Variants in NDC1 observed in about 807,000 individuals in gnomAD.
NDC1 encodes nucleoporin NDC1.
Under a neutral mutation model 89.8 loss-of-function variants are expected in NDC1, and 24 were observed. The observed-to-expected ratio is 0.27, with a 90% CI of 0.19 to 0.38. The LOEUF (loss-of-function observed/expected upper bound fraction) is 0.38, where lower values mean the gene tolerates loss of function less well. Among genes scored for constraint, NDC1 ranks in the 10% least tolerant of loss-of-function variants. The pLI, the probability that NDC1 is intolerant of heterozygous loss-of-function variation, is 1.00. For missense variants in NDC1, 728 were observed against 797.6 expected, an observed-to-expected ratio of 0.91 and a Z score of 1.05; for synonymous variants, 296 against 284.8, an observed-to-expected ratio of 1.04 and a Z score of -0.39.
chr1:53,791,807 C>A (rs1647514861), intron 14 of NDC1, among the ~76,000 whole-genome samples: 1 of 152,144 alleles, frequency 6.6e-6, no homozygotes, highest in Non-Finnish European at 1.5e-5. Context: ...CTCCTCTGAG[C>A]CTCAGGTTTC....
At chr1:53,771,679 A>G (rs187865696) in intron 17 of NDC1, among the ~76,000 whole-genome samples, 1 of 152,370 alleles carries the variant, frequency 6.6e-6, no homozygotes, top group East Asian at 1.9e-4. Flanking sequence ...ATACAAAAAC[A>G]GCAGAGCAAT....
chr1:53,776,611 C>T (rs1647165556), intron 16 of NDC1, among the ~76,000 whole-genome samples: 1 of 152,090 alleles, frequency 6.6e-6, no homozygotes, highest in African/African-American at 2.4e-5. Context: ...TTGGACAGAA[C>T]TGGTCTAGAG....
At position 53,796,887 on chromosome 1, in the gene NDC1, T is replaced by C. The variant is rs764926084; in HGVS notation, c.1468+12A>G. 21 of 1,611,410 alleles carry C rather than the reference T, an allele frequency of 1.3e-5. No individual in the cohort carries two copies. In the Middle Eastern group the frequency reaches 6.6e-4, roughly 51 times the overall value. On this transcript the variant is annotated intron_variant, in intron 12 of 17. Transcript: ENST00000371429. Reference sequence around the variant, plus strand: ...ATGACATTTAAAATCTTAAAAAATATATAATTCTCACCAGAAGCTGATGTC... The same window carrying C: ...ATGACATTTAAAATCTTAAAAAATACATAATTCTCACCAGAAGCTGATGTC...
At chr1:53,828,813 T>C (rs1031408010) in intron 3 of NDC1, among the ~76,000 whole-genome samples, 2 of 151,834 alleles carry the variant, frequency 1.3e-5, no homozygotes, top group Non-Finnish European at 2.9e-5. Context: ...GGTTTCACCA[T>C]GTTGGTCAGG....
At chr1:53,809,428 C>T (rs947146148) in intron 7 of NDC1, among the ~76,000 whole-genome samples, 4 of 152,014 alleles carry the variant, frequency 2.6e-5, no homozygotes, top group South Asian at 2.1e-4. Context: ...TATAGCTCAC[C>T]GCATCCTTGA....
At chr1:53,836,497 T>A (rs1649238948) in intron 1 of NDC1, among the ~76,000 whole-genome samples, 1 of 151,428 alleles carries the variant, frequency 6.6e-6, no homozygotes, top group Non-Finnish European at 1.5e-5. Context: ...TATCCCACAT[T>A]CTTTTTGATG....
intron 10 of NDC1, 75 bp from the exon 11 acceptor site, chr1:53,800,923 G>C: frequency 7.1e-7 from 1 of 1,406,382 alleles, no homozygotes; most frequent in South Asian, 1.4e-5. Context: ...GAAAAAGTCA[G>C]TAAGAAATTC....
intron 14 of NDC1, among the ~76,000 whole-genome samples, chr1:53,792,150 G>A (rs1352788742): frequency 2.6e-5 from 4 of 152,188 alleles, no homozygotes; most frequent in South Asian, 4.1e-4. Context: ...CACCGTGTTA[G>A]CCAGGATGGT....
chr1:53,779,131 A>G (rs972057111), intron 16 of NDC1, among the ~76,000 whole-genome samples: 12 of 151,714 alleles, frequency 7.9e-5, no homozygotes, highest in Admixed American at 5.3e-4. Flanking sequence ...AAAAAAAAAA[A>G]AAAAAAAAAA....
chr1:53,838,258 C>T lies in NDC1; in HGVS notation c.4G>A (p.Ala2Thr), dbSNP rs1166019480. 7.8e-6 allele frequency: 12 copies of T among 1,536,950 alleles called. No homozygotes were observed. The highest frequency in any genetic ancestry group is 1.4e-5 in the African/African-American group (1 of 72,698). The change falls in exon 1 of 18, where the codon GCC (alanine) becomes ACC (threonine). Residue 2 changes from alanine to threonine, a missense_variant. Physicochemically the swap from Ala to Thr is moderately conservative, Grantham distance 58. Transcript: ENST00000371429. ...GCGCAGGGCCGGCTCACGGCCGTGG[C>T]CATGGAGATGGCGGCCCCTAGTCTA... M[A>T]TAVSRPCAGR... is the part of the protein sequence containing the mutation.
At chr1:53,778,245 A>G (rs972844457) in intron 16 of NDC1, among the ~76,000 whole-genome samples, 2 of 136,592 alleles carry the variant, frequency 1.5e-5, no homozygotes, top group African/African-American at 5.8e-5. Flanking sequence ...ATAGTATATG[A>G]TGTGTGTGTG....
chr1:53,792,169 C>G (rs1647537641), intron 14 of NDC1, among the ~76,000 whole-genome samples: 1 of 152,116 alleles, frequency 6.6e-6, no homozygotes, highest in South Asian at 2.1e-4. Context: ...GTCTTGATCT[C>G]CTGACCTCGT....
intron 17 of NDC1, among the ~76,000 whole-genome samples, chr1:53,769,735 G>A (rs776559393): frequency 8.5e-5 from 13 of 152,104 alleles, no homozygotes; most frequent in Non-Finnish European, 1.3e-4. Context: ...CTTTACCTAC[G>A]TATGATCCCA....
chr1:53,791,314 G>C (rs1647492561), intron 14 of NDC1, among the ~76,000 whole-genome samples: 3 of 152,204 alleles, frequency 2.0e-5, no homozygotes, highest in Admixed American at 2.0e-4. Flanking sequence ...AACTACTCAG[G>C]AGGCTGAGGC....
chr1:53,769,409 T>C (rs1181199), intron 17 of NDC1, among the ~76,000 whole-genome samples: 41,793 of 152,134 alleles, frequency 0.27, 7,361 homozygotes, highest in African/African-American at 0.5. Flanking sequence ...TTTAGCTGCC[T>C]TTGACATACA....
intron 6 of NDC1, among the ~76,000 whole-genome samples, chr1:53,815,048 T>C (rs1444245862): frequency 6.6e-6 from 1 of 152,114 alleles, no homozygotes; most frequent in African/African-American, 2.4e-5. Context: ...TTAGTACCAA[T>C]CCTTTTGACA....
intron 9 of NDC1, among the ~76,000 whole-genome samples, chr1:53,805,690 T>C (rs1648076762): frequency 6.6e-6 from 1 of 152,228 alleles, no homozygotes; most frequent in African/African-American, 2.4e-5. Flanking sequence ...GAGAGTTCAC[T>C]AAATATCTAT....
At chr1:53,838,010 C>CT (rs1289237041) in intron 1 of NDC1, among the ~76,000 whole-genome samples, 195 bp downstream of exon 1, 1 of 152,256 alleles carries the variant, frequency 6.6e-6, no homozygotes, top group African/African-American at 2.4e-5. Context: ...CAGGACCCCT[C>CT]TCCTACCCCG....
chr1:53,834,309 G>A (rs1649160134), intron 2 of NDC1, among the ~76,000 whole-genome samples: 1 of 152,204 alleles, frequency 6.6e-6, no homozygotes, highest in South Asian at 2.1e-4. Flanking sequence ...TGCCACCAGA[G>A]AGCCATGATC....
Sources: gnomAD v4.1 joint callset for allele counts (sites outside exome capture counted in the v4.1 genomes callset) on GRCh38, gnomAD v4.1.1 for gene constraint, MANE v1.5 for transcripts, NCBI Gene and HGNC (gene_info 2026-07-23, HGNC 2026-07-21) for gene names.